SEPHS1: variants seen among roughly 807,000 people sequenced by gnomAD.
SEPHS1 encodes the protein selenophosphate synthetase 1, also known as zincore component SEPHS1.
In SEPHS1, 7 loss-of-function variants were observed where a neutral mutation model predicts 39.2. The ratio of observed to expected loss-of-function variants is 0.18; its 90% CI spans 0.10 to 0.34. The LOEUF is 0.34. Among genes scored for constraint, SEPHS1 ranks in the 10% least tolerant of loss-of-function variants. SEPHS1 has a pLI of 1.00. For missense variants in SEPHS1, 253 were observed against 514.5 expected (o/e 0.49, Z 4.92); for synonymous variants, 190 against 195.5 (o/e 0.97, Z 0.23).
chr10:13,322,105 C>T, intron 8 of SEPHS1: 1 of 444,264 alleles, frequency 2.3e-6, no homozygotes, highest in Admixed American at 2.6e-5. Flanking sequence ...GACATAATAT[C>T]CTATTGCATT....
At chr10:13,325,956 A>ATAATAATAAT (rs1554789096) in intron 7 of SEPHS1, among the ~76,000 whole-genome samples, 1 of 113,928 alleles carries the variant, frequency 8.8e-6, no homozygotes, top group African/African-American at 3.6e-5. Flanking sequence ...CAAAAAAAAA[A>ATAATAATAAT]AAAAAAAATA....
At chr10:13,326,619 C>T (rs1457675065) in intron 7 of SEPHS1, among the ~76,000 whole-genome samples, 1 of 151,188 alleles carries the variant, frequency 6.6e-6, no homozygotes, top group Non-Finnish European at 1.5e-5. Context: ...ATGATCACCA[C>T]TCACTGCAGT....
intron 4 of SEPHS1, among the ~76,000 whole-genome samples, 197 bp from the exon 5 acceptor site, chr10:13,334,168 T>A (rs1217168206): frequency 2.0e-5 from 3 of 151,634 alleles, no homozygotes; most frequent in African/African-American, 7.3e-5. Flanking sequence ...GAGTCCGAGG[T>A]GGGCAGAGAG....
At chr10:13,325,958 A>AT (rs1564444726) in intron 7 of SEPHS1, among the ~76,000 whole-genome samples, 1,672 of 117,816 alleles carry the variant, frequency 0.014, 40 homozygotes, top group Middle Eastern at 0.025. Context: ...AAAAAAAAAA[A>AT]AAAAAATAAT....
chr10:13,338,629 A>G (rs1435967178), intron 3 of SEPHS1, 76 bp downstream of exon 3: 2 of 1,181,314 alleles, frequency 1.7e-6, no homozygotes. Flanking sequence ...CCACAGATAC[A>G]TACAAAACCC....
At chr10:13,324,925 A>C (rs1833222531) in intron 7 of SEPHS1, among the ~76,000 whole-genome samples, 1 of 152,182 alleles carries the variant, frequency 6.6e-6, no homozygotes, top group Non-Finnish European at 1.5e-5. Context: ...ACCACACTGA[A>C]GGTTTCCTTT....
chr10:13,338,069 CT>C (rs1833689600), intron 3 of SEPHS1, among the ~76,000 whole-genome samples: 1 of 152,180 alleles, frequency 6.6e-6, no homozygotes, highest in Non-Finnish European at 1.5e-5. Context: ...GGGTGGCTGG[CT>C]GCAACTACGC....
chr10:13,336,620 T>A (rs2130678340), intron 3 of SEPHS1, among the ~76,000 whole-genome samples: 1 of 152,344 alleles, frequency 6.6e-6, no homozygotes. Context: ...CCATTCTAAA[T>A]TTTAGAAGTC....
intron 2 of SEPHS1, among the ~76,000 whole-genome samples, chr10:13,343,536 G>A (rs968911624): frequency 6.6e-5 from 10 of 152,152 alleles, no homozygotes; most frequent in Non-Finnish European, 1.2e-4. Flanking sequence ...AACCTTGGCT[G>A]GGTGTGGTGG....
chr10:13,323,589 A>G (rs544229541), intron 7 of SEPHS1, among the ~76,000 whole-genome samples: 14 of 152,056 alleles, frequency 9.2e-5, no homozygotes, highest in African/African-American at 3.4e-4. Flanking sequence ...TCCTGACCTC[A>G]TGATCCGCCC....
At chr10:13,319,575 A>G (rs900668807) in intron 8 of SEPHS1, among the ~76,000 whole-genome samples, 10 of 152,118 alleles carry the variant, frequency 6.6e-5, no homozygotes, top group South Asian at 4.1e-4. Context: ...TGCAGCCTCA[A>G]TGTCCTGGCT....
chr10:13,328,555 G>C lies in SEPHS1; in HGVS notation c.652-105C>G, dbSNP rs900386196. 12 of 787,910 alleles carry C rather than the reference G, an allele frequency of 1.5e-5. No individual in the cohort carries two copies. In the African/African-American group the frequency reaches 1.9e-4, roughly 13 times the overall value. 48.8% of individuals were successfully genotyped at this position (787,910 alleles called of 1,614,324 possible). The stretch of plus-strand genomic sequence containing the variant: ...GCAACTTTTTCTTATTTAACTTCTA[G>C]GGACTTTAATTCAGAAAACTGAATT... On this transcript the variant is annotated intron_variant, in intron 6 of 8. Coordinates refer to ENST00000327347, the MANE Select transcript of SEPHS1 (RefSeq NM_012247.5).
chr10:13,328,307 G>A, intron 7 of SEPHS1, 44 bp downstream of exon 7: 1 of 1,341,200 alleles, frequency 7.5e-7, no homozygotes. Flanking sequence ...GACATTTACT[G>A]TCTTGGACCC....
intron 7 of SEPHS1, among the ~76,000 whole-genome samples, chr10:13,326,601 G>A (rs1011543509): frequency 7.4e-5 from 11 of 149,236 alleles, no homozygotes; most frequent in Admixed American, 1.3e-4. Context: ...AGGCTGAAGC[G>A]TAGGGGTATG....
intron 2 of SEPHS1, among the ~76,000 whole-genome samples, chr10:13,340,962 A>C (rs1239312144): frequency 6.6e-6 from 1 of 152,222 alleles, no homozygotes; most frequent in Non-Finnish European, 1.5e-5. Flanking sequence ...AAAAACCAAC[A>C]TCTCATTAAT....
intron 5 of SEPHS1, 24 bp from the exon 6 acceptor site, chr10:13,329,812 T>C: frequency 6.3e-7 from 1 of 1,576,638 alleles, no homozygotes; most frequent in Non-Finnish European, 8.7e-7. Context: ...AAGGGCATGT[T>C]CTAGTCAAAC....
At chr10:13,325,473 T>C (rs1381913955) in intron 7 of SEPHS1, among the ~76,000 whole-genome samples, 1 of 152,174 alleles carries the variant, frequency 6.6e-6, no homozygotes, top group East Asian at 1.9e-4. Context: ...GTTTTGTAAG[T>C]GGCAGTTTCC....
In SEPHS1 at chr10:13,334,118, C is replaced by G. The variant is rs996859324; in HGVS notation, c.406-147G>C. The G allele has an allele frequency of 4.2e-6, 3 of 711,786 alleles. No individual in the cohort carries two copies. In the African/African-American group the frequency reaches 5.4e-5, roughly 13 times the overall value. The allele number at this position is 711,786 out of a possible 1,614,324, so 44.1% of individuals were successfully genotyped here. On this transcript the variant is annotated intron_variant, in intron 4 of 8. Coordinates refer to ENST00000327347, the MANE Select transcript of SEPHS1 (RefSeq NM_012247.5). Reference sequence around the variant, plus strand: ...TACAGACAGGGAAGGTTGTTAGGGGCCAGGCATAATCGCTCACGCCTGTAA... The same window carrying G: ...TACAGACAGGGAAGGTTGTTAGGGGGCAGGCATAATCGCTCACGCCTGTAA...
At chr10:13,336,941 A>G (rs1037583612) in intron 3 of SEPHS1, among the ~76,000 whole-genome samples, 1 of 152,220 alleles carries the variant, frequency 6.6e-6, no homozygotes, top group Non-Finnish European at 1.5e-5. Context: ...ACTTGAGGCC[A>G]GGAGTTAAAG....
Sources: gnomAD v4.1 joint callset for allele counts (sites outside exome capture counted in the v4.1 genomes callset) on GRCh38, gnomAD v4.1.1 for gene constraint, MANE v1.5 for transcripts, NCBI Gene and HGNC (gene_info 2026-07-23, HGNC 2026-07-21) for gene names.